The following ATP9B variants were observed in gnomAD, a reference collection of about 807,000 sequenced individuals.
ATP9B encodes ATPase phospholipid transporting 9B, also known as probable phospholipid-transporting ATPase IIB.
ATP9B carries 110 observed loss-of-function variants against 146.1 expected under a neutral mutation model. The observed-to-expected ratio is 0.75, with a 90% CI of 0.65 to 0.88. ATP9B has a LOEUF of 0.88. ATP9B is among the 40% of genes least tolerant of loss of function. The pLI, the probability that ATP9B is intolerant of heterozygous loss-of-function variation, is 0.00. For missense variants in ATP9B, 1,499 were observed against 1,496.4 expected (o/e 1.00, Z -0.03); for synonymous variants, 604 against 569.7 (o/e 1.06, Z -0.86).
chr18:79,200,734 G>A (rs11663035), intron 9 of ATP9B, among the ~76,000 whole-genome samples: 2,327 of 135,832 alleles, frequency 0.017, no homozygotes, highest in East Asian at 0.03. Flanking sequence ...GGGGACTGTC[G>A]GGGTCAGAGC....
chr18:79,371,408 T>G (rs1321491445), intron 26 of ATP9B, among the ~76,000 whole-genome samples: 3 of 148,408 alleles, frequency 2.0e-5, no homozygotes, highest in African/African-American at 7.5e-5. Flanking sequence ...AAAACAGTAG[T>G]GCTTCTTCGT....
intron 5 of ATP9B, among the ~76,000 whole-genome samples, chr18:79,138,588 GTT>G (rs985738050): frequency 2.0e-5 from 3 of 152,182 alleles, no homozygotes; most frequent in African/African-American, 7.2e-5. Context: ...AGAGATCTAA[GTT>G]TTGTTTACTT....
intron 7 of ATP9B, among the ~76,000 whole-genome samples, chr18:79,176,141 C>T (rs1007720727): frequency 2.0e-5 from 3 of 152,116 alleles, no homozygotes; most frequent in African/African-American, 7.2e-5. Context: ...TCTGTTTGTT[C>T]CCCTTTGTTT....
intron 12 of ATP9B, among the ~76,000 whole-genome samples, chr18:79,272,187 C>T (rs915392440): frequency 6.6e-6 from 1 of 152,144 alleles, no homozygotes; most frequent in Admixed American, 6.6e-5. Flanking sequence ...CTGTAGGTTT[C>T]CTGTTCACTC....
At chr18:79,204,419 A>G (rs1282589056) in intron 9 of ATP9B, among the ~76,000 whole-genome samples, 1 of 152,192 alleles carries the variant, frequency 6.6e-6, no homozygotes, top group Non-Finnish European at 1.5e-5. Context: ...TACAAATACT[A>G]GTATTACTCT....
chr18:79,069,640 C>G (rs1463219093), intron 1 of ATP9B, 111 bp downstream of exon 1: 9 of 655,996 alleles, frequency 1.4e-5, no homozygotes, highest in Non-Finnish European at 2.0e-5. Context: ...CGCGCCCCAT[C>G]TGTTCGCTGG....
chr18:79,221,570 A>T (rs1172389736), intron 11 of ATP9B, among the ~76,000 whole-genome samples: 2 of 152,016 alleles, frequency 1.3e-5, no homozygotes, highest in East Asian at 3.9e-4. Flanking sequence ...AAAATACAAA[A>T]ATTAGCCGGG....
At chr18:79,306,564 G>C (rs1599821925) in intron 14 of ATP9B, among the ~76,000 whole-genome samples, 1 of 152,176 alleles carries the variant, frequency 6.6e-6, no homozygotes, top group East Asian at 1.9e-4. Flanking sequence ...TAAAGATTTT[G>C]TCCTGCTTTT....
chr18:79,117,201 A>G (rs986479592), intron 4 of ATP9B: 13 of 152,220 alleles, frequency 8.5e-5, no homozygotes, highest in African/African-American at 1.4e-4. Context: ...TGATCAATCA[A>G]TATTGAGCTC....
intron 7 of ATP9B, among the ~76,000 whole-genome samples, chr18:79,174,577 CTCTT>C (rs139552312): frequency 0.25 from 37,750 of 151,744 alleles, 4,959 homozygotes; most frequent in East Asian, 0.5. Flanking sequence ...ACAATTCCTT[CTCTT>C]TCTTTGTTTT....
chr18:79,267,919 A>G (rs1418865116), intron 12 of ATP9B, among the ~76,000 whole-genome samples: 2 of 152,076 alleles, frequency 1.3e-5, no homozygotes, highest in Non-Finnish European at 2.9e-5. Context: ...TTTCTCTTTC[A>G]TAAAAGTTGC....
intron 8 of ATP9B, among the ~76,000 whole-genome samples, chr18:79,181,504 A>G (rs1444681542): frequency 6.6e-6 from 1 of 152,178 alleles, no homozygotes; most frequent in African/African-American, 2.4e-5. Context: ...CTAACTACTC[A>G]TATTAAAAAA....
At chr18:79,245,887 TCTA>T (rs2095950286) in intron 11 of ATP9B, among the ~76,000 whole-genome samples, 1 of 21,234 alleles carries the variant, frequency 4.7e-5, no homozygotes, top group South Asian at 1.2e-3. Context: ...AGGGCACCGC[TCTA>T]CTGACTGAGG....
At chr18:79,252,595 G>A (rs907639542) in intron 11 of ATP9B, among the ~76,000 whole-genome samples, 5 of 152,166 alleles carry the variant, frequency 3.3e-5, no homozygotes, top group African/African-American at 1.2e-4. Flanking sequence ...TGGGTTGCTA[G>A]TTCTCTCTGT....
chr18:79,254,359 T>A (rs1288783076), intron 12 of ATP9B: 1 of 152,238 alleles, frequency 6.6e-6, no homozygotes, highest in Non-Finnish European at 1.5e-5. Context: ...TTTACTTACG[T>A]CATAAAGTCA....
chr18:79,230,838 T>G (rs750519471), intron 11 of ATP9B, among the ~76,000 whole-genome samples: 44 of 152,038 alleles, frequency 2.9e-4, no homozygotes, highest in Non-Finnish European at 5.0e-4. Context: ...TGGAACAGAA[T>G]AGAGAACCCA....
intron 8 of ATP9B, among the ~76,000 whole-genome samples, chr18:79,191,134 C>T (rs1054420511): frequency 6.6e-6 from 1 of 152,136 alleles, no homozygotes; most frequent in Non-Finnish European, 1.5e-5. Flanking sequence ...ACACCCTCCA[C>T]CCCTCACTTT....
rs975378082 is a variant in ATP9B, at chr18:79,367,076, C to T, written c.3013-5749C>T. ...AGAGCACACATATCTTCACCTCCAC[C>T]GTGTGTACGCAGAGAAAGTGCCTCC... On this transcript the variant is annotated intron_variant, in intron 26 of 29. Coordinates refer to ENST00000426216, the MANE Select transcript of ATP9B (RefSeq NM_198531.5). Among the ~76,000 whole-genome samples the T allele has an allele frequency of 4.6e-3, 645 of 141,186 alleles. 1 individual carries two copies. Among genetic ancestry groups the T allele is most frequent in the African/African-American group, 0.016 (586 of 37,634 alleles). The allele number at this position is 141,186 out of a possible 152,430, so 92.6% of individuals were successfully genotyped here. A position where few individuals can be genotyped will look rare whatever the true frequency, so the allele number is the denominator to read the frequency against.
intron 5 of ATP9B, among the ~76,000 whole-genome samples, chr18:79,128,300 C>T (rs1468377717): frequency 6.6e-6 from 1 of 152,098 alleles, no homozygotes; most frequent in Non-Finnish European, 1.5e-5. Context: ...CCTCGTGATC[C>T]ACCCGCCTTG....
Sources: gnomAD v4.1 joint callset for allele counts (sites outside exome capture counted in the v4.1 genomes callset) on GRCh38, gnomAD v4.1.1 for gene constraint, MANE v1.5 for transcripts, NCBI Gene and HGNC (gene_info 2026-07-23, HGNC 2026-07-21) for gene names.